Variants in OR10J1 observed in about 807,000 individuals in gnomAD.
OR10J1 encodes olfactory receptor 10J1.
For missense variants in OR10J1, 474 were observed against 376.6 expected, an observed-to-expected ratio of 1.26 and a Z score of -2.14; for synonymous variants, 202 against 143.8, an observed-to-expected ratio of 1.40 and a Z score of -2.89.
the OR10J1 span, among the ~76,000 whole-genome samples, chr1:159,407,558 G>A: frequency 2.0e-5 from 3 of 152,032 alleles, no homozygotes; most frequent in Non-Finnish European, 4.4e-5. Flanking sequence ...TAACCAGGAA[G>A]AATTCCAATG....
At chr1:159,404,390 C>A in the OR10J1 span, among the ~76,000 whole-genome samples, 2 of 152,036 alleles carry the variant, frequency 1.3e-5, no homozygotes, top group Admixed American at 6.6e-5. Flanking sequence ...TTTCCAGTAT[C>A]CTTTTTCACA....
the OR10J1 span, among the ~76,000 whole-genome samples, chr1:159,401,143 C>CA: frequency 3.8e-3 from 541 of 141,406 alleles, 2 homozygotes; most frequent in Admixed American, 7.8e-3. Context: ...GTGCCTGCAC[C>CA]AAAAAAAAAA....
In OR10J1 at chr1:159,440,242, A is replaced by G; in HGVS notation, c.451A>G (p.Ile151Val). Reference protein sequence around the residue: ...RIQLVLGACSIGLIVAITQVT... With the variant: ...RIQLVLGACSVGLIVAITQVT... ...CCAACTTGTCCTGGGGGCCTGCAGC[A>G]TTGGGCTGATTGTAGCAATAACGCA... Residue 151 changes from isoleucine to valine, a missense_variant, in exon 1 of 1, where the codon ATT (isoleucine) becomes GTT (valine). By Grantham distance (29) the Ile-to-Val change is conservative. Transcript: ENST00000423932. 1 of 1,614,152 alleles carries G rather than the reference A, an allele frequency of 6.2e-7. No homozygotes were observed. The highest frequency in any genetic ancestry group is 8.5e-7 in the Non-Finnish European group (1 of 1,180,014).
chr1:159,440,454 C>G lies in OR10J1; in HGVS notation c.663C>G (p.Ile221Met). 1.2e-6 allele frequency: 2 copies of G among 1,614,138 alleles called. No homozygotes were observed. Among genetic ancestry groups the G allele is most frequent in the Non-Finnish European group, 1.7e-6 (2 of 1,180,028 alleles). ...GLVFISYVLI[I>M]STILKIASVE... ...TTTTCATTTCTTATGTTCTCATTAT[C>G]TCTACAATCCTCAAGATTGCTTCAG... Residue 221 changes from isoleucine to methionine, a missense_variant, in exon 1 of 1, where the codon ATC becomes ATG. Physicochemically the swap from Ile to Met is conservative, Grantham distance 10 (BLOSUM62 1). Transcript: ENST00000423932.
upstream of OR10J1, chr1:159,439,578 A>C (rs1655842376): frequency 3.2e-6 from 2 of 626,160 alleles, no homozygotes; most frequent in African/African-American, 1.8e-5. Context: ...TGATTCTATG[A>C]TGCATGGAAA....
upstream of OR10J1, among the ~76,000 whole-genome samples, chr1:159,438,587 C>T (rs1475125816): frequency 1.3e-5 from 2 of 152,174 alleles, no homozygotes; most frequent in African/African-American, 4.8e-5. Context: ...TTCTCTATTG[C>T]AGCTTTACTT....
At chr1:159,400,291 C>A in the OR10J1 span, among the ~76,000 whole-genome samples, 324 of 151,864 alleles carry the variant, frequency 2.1e-3, 3 homozygotes, top group African/African-American at 7.4e-3. Flanking sequence ...ACTGACTGAA[C>A]GGATGAAAAA....
upstream of OR10J1, among the ~76,000 whole-genome samples, chr1:159,435,076 C>A (rs1388338490): frequency 1.3e-5 from 2 of 152,082 alleles, no homozygotes; most frequent in Non-Finnish European, 2.9e-5. Flanking sequence ...CCTGGATATA[C>A]CCAGGACATT....
chr1:159,404,197 C>T, the OR10J1 span, among the ~76,000 whole-genome samples: 1 of 152,122 alleles, frequency 6.6e-6, no homozygotes, highest in South Asian at 2.1e-4. Context: ...TATTTGATAG[C>T]ACAACAGGAT....
chr1:159,440,186 A>C lies in OR10J1; in HGVS notation c.395A>C (p.Tyr132Ser). The change falls in exon 1 of 1, where the codon TAC (tyrosine) becomes TCC (serine). Residue 132 changes from tyrosine to serine, a missense_variant. Transcript: ENST00000423932. ...GTGGCCATCTGCAACCCCCTGAGAT[A>C]CATGGTTATTATGAACAAGAGGCTG... is the stretch of plus-strand genomic sequence containing the variant. Reference protein sequence around the residue: ...RYVAICNPLRYMVIMNKRLRI... With the variant: ...RYVAICNPLRSMVIMNKRLRI... The C allele has an allele frequency of 6.2e-7, 1 of 1,614,174 alleles. No individual in the cohort carries two copies. The highest frequency in any genetic ancestry group is 8.5e-7 in the Non-Finnish European group (1 of 1,180,014).
At chr1:159,430,558 G>A in the OR10J1 span, among the ~76,000 whole-genome samples, 10 of 151,800 alleles carry the variant, frequency 6.6e-5, no homozygotes, top group Admixed American at 4.6e-4. Context: ...AGTAAAGACC[G>A]GACCTTTCAA....
the OR10J1 span, among the ~76,000 whole-genome samples, chr1:159,402,297 T>C: frequency 6.6e-6 from 1 of 151,952 alleles, no homozygotes; most frequent in Admixed American, 6.6e-5. Context: ...GGCATCCAAA[T>C]TGGAAAGGAA....
At chr1:159,406,179 G>A in the OR10J1 span, 3 of 507,568 alleles carry the variant, frequency 5.9e-6, no homozygotes, top group African/African-American at 4.0e-5. Flanking sequence ...CAATGCTCAG[G>A]AAGAAGTACA....
the OR10J1 span, chr1:159,432,654 A>C: frequency 2.3e-6 from 1 of 434,928 alleles, no homozygotes; most frequent in Non-Finnish European, 4.1e-6. Flanking sequence ...TGGATCCTGG[A>C]ACATTGGCCT....
chr1:159,417,484 G>A, the OR10J1 span, among the ~76,000 whole-genome samples: 1 of 152,084 alleles, frequency 6.6e-6, no homozygotes, highest in Non-Finnish European at 1.5e-5. Flanking sequence ...TAAGTCTTAC[G>A]AGATCTGATG....
the OR10J1 span, among the ~76,000 whole-genome samples, chr1:159,426,969 G>C: frequency 2.0e-5 from 3 of 151,876 alleles, no homozygotes; most frequent in East Asian, 1.9e-4. Context: ...ATTCCTCTCA[G>C]TATACAAATA....
chr1:159,426,196 T>C, the OR10J1 span, among the ~76,000 whole-genome samples: 2 of 151,850 alleles, frequency 1.3e-5, no homozygotes, highest in South Asian at 4.1e-4. Context: ...GTGTAAGTAA[T>C]ATTCAAAAAT....
At chr1:159,404,300 C>T in the OR10J1 span, among the ~76,000 whole-genome samples, 1 of 152,046 alleles carries the variant, frequency 6.6e-6, no homozygotes, top group East Asian at 1.9e-4. Flanking sequence ...TTTCAGCCAG[C>T]AATAGAATTT....
upstream of OR10J1, chr1:159,433,036 C>T: frequency 2.2e-6 from 1 of 448,394 alleles, no homozygotes; most frequent in Admixed American, 3.4e-5. Context: ...CTGTGACATA[C>T]ACTGTTATTA....
Sources: gnomAD v4.1 joint callset for allele counts (sites outside exome capture counted in the v4.1 genomes callset) on GRCh38, gnomAD v4.1.1 for gene constraint, MANE v1.5 for transcripts, NCBI Gene and HGNC (gene_info 2026-07-23, HGNC 2026-07-21) for gene names.